Variants in HMX1 observed in about 807,000 individuals in gnomAD.
HMX1 encodes the protein homeobox protein HMX1.
A neutral mutation model predicts 8.9 loss-of-function variants in HMX1; 8 were observed. The observed-to-expected ratio is 0.90, with a 90% confidence interval of 0.53 to 1.63. HMX1 has a LOEUF of 1.63. HMX1 is among the 40% of genes most tolerant of loss of function. The pLI is 0.00. For synonymous variants in HMX1, 311 were observed against 283.4 expected, an observed-to-expected ratio of 1.10 and a Z score of -0.98; for missense variants, 621 against 558.5, an observed-to-expected ratio of 1.11 and a Z score of -1.13.
chr4:8,858,826 T>A (rs1445318333), intron 1 of HMX1: 3 of 152,084 alleles, frequency 2.0e-5, no homozygotes, highest in African/African-American at 4.8e-5. Context: ...CACTGGGAGG[T>A]CCTGGGGGGA....
At chr4:8,861,302 CG>C (rs1347070985) in intron 1 of HMX1, among the ~76,000 whole-genome samples, 1 of 151,562 alleles carries the variant, frequency 6.6e-6, no homozygotes, top group Non-Finnish European at 1.5e-5. Context: ...CCGGGCGACG[CG>C]GGGCCTGGGA....
In HMX1 at chr4:8,870,501, A is replaced by C. The variant is rs1034458519; in HGVS notation, c.394+720T>G. On this transcript the variant is annotated intron_variant, in intron 1 of 1. Transcript: ENST00000400677. This position sits in a 1 kb window ranked among gnomAD's most constrained non-coding sequence, Gnocchi z 4.4. The stretch of plus-strand genomic sequence containing the variant: ...AGAGAGGGGTTGGACTGGGGGCCTC[A>C]GAACAGGCTCCCTTCTTGCCTGGCA... Among the ~76,000 whole-genome samples the C allele has an allele frequency of 6.6e-6, 1 of 152,128 alleles. No homozygotes were observed. Among genetic ancestry groups the C allele is most frequent in the Non-Finnish European group, 1.5e-5 (1 of 68,010 alleles).
chr4:8,860,858 G>A (rs946730140), intron 1 of HMX1: 1 of 152,348 alleles, frequency 6.6e-6, no homozygotes, highest in Non-Finnish European at 1.5e-5. Context: ...GGCCGGGTAG[G>A]GGAGGGGAGC....
chr4:8,861,123 T>G (rs1318486994), intron 1 of HMX1, among the ~76,000 whole-genome samples: 1 of 151,996 alleles, frequency 6.6e-6, no homozygotes, highest in Admixed American at 6.6e-5. Context: ...GGCGCCACTG[T>G]CGGGGTTCCG....
intron 1 of HMX1, chr4:8,860,560 G>T (rs1307544015): frequency 2.0e-5 from 3 of 151,002 alleles, no homozygotes; most frequent in East Asian, 1.9e-4. Context: ...AGTGGGGAGG[G>T]AAGGGCTCGA....
At chr4:8,857,141 C>G (rs991285040) in intron 1 of HMX1, among the ~76,000 whole-genome samples, 1 of 152,356 alleles carries the variant, frequency 6.6e-6, no homozygotes, top group East Asian at 1.9e-4. Context: ...CTTTTGTTTT[C>G]AGTGCTTGTA....
chr4:8,863,927 A>C (rs1179499620), downstream of HMX1, among the ~76,000 whole-genome samples: 1 of 152,188 alleles, frequency 6.6e-6, no homozygotes, highest in African/African-American at 2.4e-5. Flanking sequence ...CCACGCCCAA[A>C]CACCACCGTA....
chr4:8,846,475 C>T (rs538187460), intron 1 of HMX1, among the ~76,000 whole-genome samples: 5 of 152,344 alleles, frequency 3.3e-5, no homozygotes, highest in South Asian at 4.1e-4. Context: ...TAGGACTCCC[C>T]GGGAACTTGT....
intron 1 of HMX1, among the ~76,000 whole-genome samples, chr4:8,857,797 C>G (rs1182676236): frequency 6.6e-6 from 1 of 152,120 alleles, no homozygotes; most frequent in Non-Finnish European, 1.5e-5. Flanking sequence ...ACTGCCGCAG[C>G]CCCTCCCTCC....
Position 8,871,746 on chromosome 4 carries a change from G to GCGGCGGCCTCCGC in HMX1, c.-133_-132insGCGGAGGCCGCCG. 1 of 1,001,960 alleles carries GCGGCGGCCTCCGC rather than the reference G, an allele frequency of 1.0e-6. No individual in the cohort carries two copies. Among genetic ancestry groups the GCGGCGGCCTCCGC allele is most frequent in the Non-Finnish European group, 1.2e-6 (1 of 840,412 alleles). 62.1% of individuals were successfully genotyped at this position (1,001,960 alleles called of 1,614,324 possible). A position where few individuals can be genotyped will look rare whatever the true frequency, so the allele number is the denominator to read the frequency against. ...GGACCGCTGGCGTCGGGCCCCGCAG[G>GCGGCGGCCTCCGC]GCAGGCGGCGGCCTCCGCGCCGGGC... On this transcript the variant is annotated 5_prime_UTR_variant, in exon 1 of 2. Coordinates refer to ENST00000400677, the MANE Select transcript of HMX1 (RefSeq NM_018942.3). This position sits in a 1 kb window ranked among gnomAD's most constrained non-coding sequence, Gnocchi z 4.8.
At chr4:8,850,308 C>T (rs1332543592) in intron 1 of HMX1, among the ~76,000 whole-genome samples, 3 of 152,190 alleles carry the variant, frequency 2.0e-5, no homozygotes, top group East Asian at 1.9e-4. Flanking sequence ...GAGTCCCAGG[C>T]ACCACCTTGG....
intron 1 of HMX1, among the ~76,000 whole-genome samples, chr4:8,855,863 A>G (rs1280639955): frequency 6.6e-6 from 1 of 152,136 alleles, no homozygotes; most frequent in African/African-American, 2.4e-5. Flanking sequence ...TGAAAGCAGG[A>G]TCCAGCGGGA....
rs1378714902 is a variant in HMX1, at chr4:8,867,320, G to C, written c.*373C>G. ...AGTCACCGCTCAGCCTTGGACAGCC[G>C]GTTCGTAGTTTTCCTTTGTTGCGCT... is the stretch of plus-strand genomic sequence containing the variant. On this transcript the variant is annotated 3_prime_UTR_variant, in exon 2 of 2. Transcript: ENST00000400677. 1.2e-5 allele frequency: 12 copies of C among 994,994 alleles called. No individual in the cohort carries two copies. Among genetic ancestry groups the C allele is most frequent in the Non-Finnish European group, 1.3e-5 (11 of 836,508 alleles). 61.6% of individuals were successfully genotyped at this position (994,994 alleles called of 1,614,324 possible).
chr4:8,866,424 T>C (rs1480828158), downstream of HMX1, among the ~76,000 whole-genome samples: 2 of 152,194 alleles, frequency 1.3e-5, no homozygotes, highest in African/African-American at 4.8e-5. Flanking sequence ...CACCAAATAC[T>C]GTCCCTCCCC....
Position 8,871,397 on chromosome 4 carries a change from G to A in HMX1, c.218C>T (p.Ala73Val). Residue 73 changes from alanine (A) to valine (V), a missense_variant, in exon 1 of 2, where the codon GCG becomes GTG. Physicochemically the swap from Ala to Val is moderately conservative, Grantham distance 64. Transcript: ENST00000400677. The surrounding 1 kb of genome is among the most constrained non-coding windows in gnomAD (Gnocchi z 4.8). Reference sequence around the variant, plus strand: ...CGCCTCCCCGCCGGGCCCGGTGCCCGCGAGCAACTGTCGCCGCCGCTGTAG... The same window carrying A: ...CGCCTCCCCGCCGGGCCCGGTGCCCACGAGCAACTGTCGCCGCCGCTGTAG... ...RRLQRRRQLL[A>V]GTGPGGEARA... 8.0e-7 allele frequency: 1 copy of A among 1,254,610 alleles called. No individual in the cohort carries two copies. Among genetic ancestry groups the A allele is most frequent in the Non-Finnish European group, 1.0e-6 (1 of 995,306 alleles). The allele number at this position is 1,254,610 out of a possible 1,614,324, so 77.7% of individuals were successfully genotyped here.
chr4:8,852,089 G>A (rs1721466528), intron 1 of HMX1, among the ~76,000 whole-genome samples: 1 of 152,236 alleles, frequency 6.6e-6, no homozygotes, highest in South Asian at 2.1e-4. Flanking sequence ...TCCAAGCCCC[G>A]GCTCTGGCTC....
intron 1 of HMX1, among the ~76,000 whole-genome samples, chr4:8,869,181 G>A (rs527682431): frequency 2.0e-5 from 3 of 152,296 alleles, no homozygotes; most frequent in South Asian, 2.1e-4. Flanking sequence ...GCTCACAGGC[G>A]GTGTCTGAGT....
At chr4:8,859,180 C>G (rs530660296) in intron 1 of HMX1, 1 of 150,402 alleles carries the variant, frequency 6.6e-6, no homozygotes, top group African/African-American at 2.5e-5. Context: ...CGGGCTCGCT[C>G]CAAGGCTGGC....
intron 1 of HMX1, among the ~76,000 whole-genome samples, chr4:8,850,352 G>T (rs1721407210): frequency 6.6e-6 from 1 of 152,096 alleles, no homozygotes; most frequent in Non-Finnish European, 1.5e-5. Context: ...CTTCCGGTGG[G>T]GTTCCTGGAG....
Sources: allele counts gnomAD v4.1 joint callset (sites outside exome capture counted in the v4.1 genomes callset), GRCh38; gene constraint gnomAD v4.1.1; non-coding constraint Gnocchi (gnomAD v3.1); transcripts MANE v1.5; gene names NCBI Gene and HGNC (gene_info 2026-07-23, HGNC 2026-07-21).